Variants in AUTS2 observed in about 807,000 individuals in gnomAD.
The protein encoded by AUTS2 is activator of transcription and developmental regulator AUTS2, also known as autism susceptibility gene 2 protein.
AUTS2 carries 17 observed loss-of-function variants against 112.4 expected under a neutral mutation model. That is an observed-to-expected ratio of 0.15 (90% CI 0.10 to 0.23). The LOEUF (loss-of-function observed/expected upper bound fraction) is 0.23. Ranked by LOEUF, AUTS2 falls within the 10% of genes least tolerant of loss-of-function variation. The pLI is 1.00. For synonymous variants in AUTS2, 751 were observed against 702.7 expected (o/e 1.07, Z -1.09); for missense variants, 1,510 against 1,701.6 (o/e 0.89, Z 1.98).
intron 4 of AUTS2, among the ~76,000 whole-genome samples, chr7:70,337,433 T>C (rs12698899): frequency 6.6e-6 from 1 of 152,010 alleles, no homozygotes; most frequent in Non-Finnish European, 1.5e-5. Flanking sequence ...ATGTTACAAG[T>C]GATAGCTTTC....
chr7:70,583,965 A>G (rs972302445), intron 5 of AUTS2, among the ~76,000 whole-genome samples: 28 of 152,254 alleles, frequency 1.8e-4, no homozygotes, highest in African/African-American at 6.8e-4. Flanking sequence ...TTTAAAAATT[A>G]ATGTAAACCA....
chr7:70,543,368 T>C (rs1585279243), intron 5 of AUTS2, among the ~76,000 whole-genome samples: 1 of 151,762 alleles, frequency 6.6e-6, no homozygotes, highest in East Asian at 1.9e-4. Flanking sequence ...CAGGCACCTA[T>C]AATCCCAGCT....
At chr7:70,114,966 C>A (rs1298846928) in intron 2 of AUTS2, among the ~76,000 whole-genome samples, 1 of 152,070 alleles carries the variant, frequency 6.6e-6, no homozygotes, top group East Asian at 1.9e-4. Flanking sequence ...AAACTTGAGC[C>A]TGGCTTTGGA....
At chr7:70,482,461 G>C (rs1364805318) in intron 5 of AUTS2, among the ~76,000 whole-genome samples, 1 of 152,148 alleles carries the variant, frequency 6.6e-6, no homozygotes, top group East Asian at 1.9e-4. Context: ...TACATGTTAA[G>C]ACAGCCCCCA....
intron 2 of AUTS2, among the ~76,000 whole-genome samples, chr7:70,035,586 T>C (rs766638836): frequency 6.6e-6 from 1 of 152,238 alleles, no homozygotes; most frequent in Non-Finnish European, 1.5e-5. Context: ...TCTTGTACTT[T>C]AGTATAAGCA....
intron 2 of AUTS2, among the ~76,000 whole-genome samples, chr7:70,006,203 C>T (rs1479313390): frequency 2.6e-5 from 4 of 152,090 alleles, no homozygotes; most frequent in Non-Finnish European, 2.9e-5. Flanking sequence ...AACCAGAGTA[C>T]GTTGTACATT....
At chr7:69,616,566 G>A (rs1271001149) in intron 1 of AUTS2, among the ~76,000 whole-genome samples, 1 of 152,206 alleles carries the variant, frequency 6.6e-6, no homozygotes, top group African/African-American at 2.4e-5. Context: ...TTCTAGGGAT[G>A]CAACAGTTGT....
intron 4 of AUTS2, among the ~76,000 whole-genome samples, chr7:70,154,910 T>C (rs1175486118): frequency 3.3e-5 from 5 of 152,184 alleles, no homozygotes; most frequent in Non-Finnish European, 2.9e-5. Flanking sequence ...GATCAAATTG[T>C]AGCATCATAT....
chr7:70,510,000 G>C (rs1799118797), intron 5 of AUTS2, among the ~76,000 whole-genome samples: 1 of 152,172 alleles, frequency 6.6e-6, no homozygotes, highest in Non-Finnish European at 1.5e-5. Flanking sequence ...CCCTAGAGTT[G>C]TGTCTGTGTT....
At chr7:70,028,241 C>T (rs980198347) in intron 2 of AUTS2, among the ~76,000 whole-genome samples, 5 of 152,106 alleles carry the variant, frequency 3.3e-5, no homozygotes, top group Admixed American at 6.6e-5. Flanking sequence ...GTTTAGTTCA[C>T]GCATTACTCA....
At chr7:70,414,746 T>G (rs567464061) in intron 4 of AUTS2, among the ~76,000 whole-genome samples, 45 of 152,280 alleles carry the variant, frequency 3.0e-4, no homozygotes, top group Non-Finnish European at 6.2e-4. Flanking sequence ...CGTCTCAGGC[T>G]TAGACTGCAT....
intron 1 of AUTS2, among the ~76,000 whole-genome samples, chr7:69,747,223 C>T (rs934421849): frequency 4.6e-5 from 7 of 152,218 alleles, no homozygotes; most frequent in African/African-American, 7.2e-5. Flanking sequence ...TCAGGGACCA[C>T]GCTTTGAGAA....
At chr7:70,387,785 A>AT (rs1793679861) in intron 4 of AUTS2, among the ~76,000 whole-genome samples, 1 of 152,094 alleles carries the variant, frequency 6.6e-6, no homozygotes, top group African/African-American at 2.4e-5. Flanking sequence ...TCTCAATGTC[A>AT]TTGCCCAGGT....
chr7:69,990,598 A>G (rs572710762), intron 2 of AUTS2, among the ~76,000 whole-genome samples: 2 of 152,310 alleles, frequency 1.3e-5, no homozygotes, highest in South Asian at 2.1e-4. Context: ...AACTTTGATC[A>G]TACAGATAAT....
intron 5 of AUTS2, among the ~76,000 whole-genome samples, chr7:70,529,214 A>G (rs1162819034): frequency 6.6e-6 from 1 of 152,238 alleles, no homozygotes; most frequent in Non-Finnish European, 1.5e-5. Flanking sequence ...TGTCTTCACC[A>G]TGCTGGAAAA....
intron 4 of AUTS2, among the ~76,000 whole-genome samples, chr7:70,322,126 C>G (rs1331295981): frequency 6.6e-6 from 1 of 152,084 alleles, no homozygotes; most frequent in Non-Finnish European, 1.5e-5. Context: ...ACCAGCAAAA[C>G]TGCCCTTTAT....
chr7:70,170,247 C>A (rs373307550), intron 4 of AUTS2, among the ~76,000 whole-genome samples: 4 of 148,740 alleles, frequency 2.7e-5, no homozygotes, highest in African/African-American at 5.0e-5. Flanking sequence ...GCAATCTCTA[C>A]CTCCTGGGCT....
At chr7:69,828,343 A>T (rs2129527196) in intron 1 of AUTS2, among the ~76,000 whole-genome samples, 1 of 152,314 alleles carries the variant, frequency 6.6e-6, no homozygotes, top group East Asian at 1.9e-4. Context: ...TGTTGTCTGC[A>T]TGTGGTGCTT....
intron 4 of AUTS2, among the ~76,000 whole-genome samples, chr7:70,351,223 G>T (rs1226795774): frequency 6.6e-6 from 1 of 151,790 alleles, no homozygotes; most frequent in Non-Finnish European, 1.5e-5. Context: ...GCTAATTTTT[G>T]TATTTTTTTT....
Sources: gnomAD v4.1 joint callset for allele counts (sites outside exome capture counted in the v4.1 genomes callset) on GRCh38, gnomAD v4.1.1 for gene constraint, MANE v1.5 for transcripts, NCBI Gene and HGNC (gene_info 2026-07-23, HGNC 2026-07-21) for gene names.